Variants in FHIT observed in about 807,000 individuals in gnomAD.
FHIT encodes fragile histidine triad diadenosine triphosphatase.
FHIT carries 19 observed loss-of-function variants against 17.9 expected under a neutral mutation model. The ratio of observed to expected loss-of-function variants is 1.06; its 90% confidence interval spans 0.74 to 1.56. The LOEUF (loss-of-function observed/expected upper bound fraction) is 1.56. FHIT is among the 40% of genes most tolerant of loss of function. FHIT has a pLI of 0.00. For missense variants in FHIT, 248 were observed against 189.2 expected (o/e 1.31, Z -1.82); for synonymous variants, 81 against 69.7 (o/e 1.16, Z -0.81).
chr3:61,221,648 C>A (rs2039842139), intron 1 of FHIT, among the ~76,000 whole-genome samples: 1 of 152,226 alleles, frequency 6.6e-6, no homozygotes, highest in South Asian at 2.1e-4. Context: ...CAAACCCCTG[C>A]TGACTGGAAC....
chr3:60,064,418 C>A (rs1702415064), intron 5 of FHIT, among the ~76,000 whole-genome samples: 1 of 152,188 alleles, frequency 6.6e-6, no homozygotes, highest in African/African-American at 2.4e-5. Context: ...TCCACCACTG[C>A]CATCTCTATC....
rs562846600 is a variant in FHIT, at chr3:60,285,840, A to T, written c.103+251020T>A. Among the ~76,000 whole-genome samples, 6 of 152,318 alleles carry T rather than the reference A, an allele frequency of 3.9e-5. No individual in the cohort carries two copies. In the East Asian group the frequency reaches 9.6e-4, roughly 24 times the overall value. ...TGTGATAATGTAATACATTCATATT[A>T]CTTAGCATTGGGATATCCATCACCT... On this transcript the variant is annotated intron_variant, in intron 5 of 9. Transcript: ENST00000492590.
At chr3:60,325,781 G>A (rs1432412123) in intron 5 of FHIT, among the ~76,000 whole-genome samples, 1 of 152,166 alleles carries the variant, frequency 6.6e-6, no homozygotes, top group Admixed American at 6.5e-5. Context: ...CTGCCAGCAG[G>A]GCATTTACTG....
At position 60,014,295 on chromosome 3, in the gene FHIT, C is replaced by G. The variant is rs549416344; in HGVS notation, c.104-143G>C. 324 of 714,086 alleles carry G rather than the reference C, an allele frequency of 4.5e-4. 1 individual carries two copies. The highest frequency in any genetic ancestry group is 6.4e-4 in the Non-Finnish European group (284 of 441,932). 44.2% of individuals were successfully genotyped at this position (714,086 alleles called of 1,614,324 possible). A position where few individuals can be genotyped will look rare whatever the true frequency, so the allele number is the denominator to read the frequency against. ...GAATGAAGAAACAGATATTTACCAT[C>G]CACTGAACTCCAGAGAGTTGAAAGA... On this transcript the variant is annotated intron_variant, in intron 5 of 9. Coordinates refer to ENST00000492590, the MANE Select transcript of FHIT (RefSeq NM_002012.4).
At chr3:61,214,045 A>G (rs970664605) in intron 1 of FHIT, among the ~76,000 whole-genome samples, 180 of 152,302 alleles carry the variant, frequency 1.2e-3, no homozygotes, top group African/African-American at 2.5e-3. Flanking sequence ...ATGCCCACAA[A>G]AGAAAGCAGG....
chr3:59,953,951 C>T lies in FHIT; in HGVS notation c.280-31537G>A, dbSNP rs141018415. ...GTGTTCTGCTTTCAAGGCCAAACTG[C>T]ATAAGCAGAGCCCATCCTTTTCCCT... On this transcript the variant is annotated intron_variant, in intron 7 of 9. Transcript: ENST00000492590. Among the ~76,000 whole-genome samples, 249 of 152,342 alleles carry T rather than the reference C, an allele frequency of 1.6e-3. 1 individual carries two copies. Among genetic ancestry groups the T allele is most frequent in the African/African-American group, 5.3e-3 (222 of 41,572 alleles).
chr3:60,567,190 C>G (rs980640125), intron 4 of FHIT, among the ~76,000 whole-genome samples: 15 of 151,500 alleles, frequency 9.9e-5, no homozygotes, highest in Admixed American at 2.0e-4. Context: ...GGAGGCATCA[C>G]GCTACCTGAC....
intron 4 of FHIT, among the ~76,000 whole-genome samples, chr3:60,799,401 C>T (rs1701105902): frequency 6.6e-6 from 1 of 152,174 alleles, no homozygotes; most frequent in Admixed American, 6.5e-5. Context: ...CTCCAACTCT[C>T]GCCCTCAGGT....
At chr3:60,984,485 C>T (rs559053841) in intron 3 of FHIT, among the ~76,000 whole-genome samples, 1 of 152,280 alleles carries the variant, frequency 6.6e-6, no homozygotes, top group East Asian at 1.9e-4. Flanking sequence ...GTGAAATGTG[C>T]TATCATATGG....
At chr3:60,955,111 T>C (rs1463199955) in intron 3 of FHIT, among the ~76,000 whole-genome samples, 1 of 152,184 alleles carries the variant, frequency 6.6e-6, no homozygotes, top group Non-Finnish European at 1.5e-5. Flanking sequence ...CTAGTAGTTT[T>C]CCATACTTCA....
intron 8 of FHIT, among the ~76,000 whole-genome samples, chr3:59,764,770 C>T (rs1701705727): frequency 6.6e-6 from 1 of 151,804 alleles, no homozygotes; most frequent in South Asian, 2.1e-4. Context: ...ACTGAGATTT[C>T]CTTGTTATGA....
intron 4 of FHIT, among the ~76,000 whole-genome samples, chr3:60,785,447 G>A (rs1354077074): frequency 6.6e-6 from 1 of 152,164 alleles, no homozygotes. Flanking sequence ...GAAGAGAAGT[G>A]CCTCTGGATT....
intron 4 of FHIT, among the ~76,000 whole-genome samples, chr3:60,659,631 G>A (rs1618561): frequency 0.84 from 127,724 of 151,822 alleles, 53,825 homozygotes; most frequent in African/African-American, 0.86. Context: ...TACTTTTTCT[G>A]AATCTCTGTA....
At chr3:60,650,352 C>T (rs1553687968) in intron 4 of FHIT, among the ~76,000 whole-genome samples, 4 of 152,040 alleles carry the variant, frequency 2.6e-5, no homozygotes, top group Non-Finnish European at 5.9e-5. Context: ...TAGAGATCAC[C>T]CCATTCAGCA....
At chr3:61,095,061 G>A (rs1371062749) in intron 2 of FHIT, among the ~76,000 whole-genome samples, 1 of 152,182 alleles carries the variant, frequency 6.6e-6, no homozygotes, top group Non-Finnish European at 1.5e-5. Context: ...TATTTGCAAA[G>A]ACTATTATAT....
intron 5 of FHIT, among the ~76,000 whole-genome samples, chr3:60,187,653 G>C (rs900044826): frequency 3.3e-5 from 5 of 152,094 alleles, no homozygotes; most frequent in African/African-American, 1.2e-4. Context: ...ACAACAAGCA[G>C]CAAATAAATT....
chr3:59,787,909 T>A (rs910078326), intron 8 of FHIT, among the ~76,000 whole-genome samples: 20 of 152,130 alleles, frequency 1.3e-4, no homozygotes, highest in African/African-American at 4.8e-4. Context: ...CTAGCTACCA[T>A]CTATGTGCTG....
chr3:61,007,031 C>T (rs2031498769), intron 3 of FHIT, among the ~76,000 whole-genome samples: 1 of 152,108 alleles, frequency 6.6e-6, no homozygotes, highest in South Asian at 2.1e-4. Context: ...CCTCTTTCAT[C>T]TTGCTGTCTT....
chr3:60,793,816 C>T (rs1278649857), intron 4 of FHIT, among the ~76,000 whole-genome samples: 1 of 152,198 alleles, frequency 6.6e-6, no homozygotes, highest in Non-Finnish European at 1.5e-5. Flanking sequence ...GGTTCCTAAA[C>T]TCCAAGCACT....
Sources: allele counts gnomAD v4.1 joint callset (sites outside exome capture counted in the v4.1 genomes callset), GRCh38; gene constraint gnomAD v4.1.1; transcripts MANE v1.5; gene names NCBI Gene and HGNC (gene_info 2026-07-23, HGNC 2026-07-21).